The following NPAS3 variants were observed in gnomAD, a reference collection of about 807,000 sequenced individuals.
NPAS3 encodes the protein neuronal PAS domain protein 3.
A neutral mutation model predicts 73.1 loss-of-function variants in NPAS3; 14 were observed. That is an observed-to-expected ratio of 0.19 (90% CI 0.13 to 0.30). The LOEUF (loss-of-function observed/expected upper bound fraction) is 0.30, where lower values mean the gene tolerates loss of function less well. NPAS3 is among the 10% of genes least tolerant of loss of function. NPAS3 has a pLI of 1.00. For missense variants in NPAS3, 1,096 were observed against 1,250.0 expected (o/e 0.88, Z 1.86); for synonymous variants, 620 against 541.5 (o/e 1.14, Z -2.01).
chr14:33,536,923 C>A (rs2054284886), intron 4 of NPAS3, among the ~76,000 whole-genome samples: 1 of 152,022 alleles, frequency 6.6e-6, no homozygotes, highest in Admixed American at 6.6e-5. Context: ...CACACAATGT[C>A]TAGAAAATTC....
At chr14:33,471,891 T>C (rs1478659200) in intron 4 of NPAS3, among the ~76,000 whole-genome samples, 1 of 152,206 alleles carries the variant, frequency 6.6e-6, no homozygotes, top group Non-Finnish European at 1.5e-5. Context: ...CATTACTGCC[T>C]GAGCTCCAGC....
intron 1 of NPAS3, among the ~76,000 whole-genome samples, chr14:33,025,679 G>A (rs573353229): frequency 2.2e-4 from 34 of 152,240 alleles, no homozygotes; most frequent in African/African-American, 7.5e-4. Flanking sequence ...TCACGATCCC[G>A]AGTAAATTCT....
intron 3 of NPAS3, among the ~76,000 whole-genome samples, chr14:33,365,095 G>T (rs1383552106): frequency 6.9e-6 from 1 of 145,648 alleles, no homozygotes; most frequent in Non-Finnish European, 1.5e-5. Flanking sequence ...CTATTAATAA[G>T]GAGCTTTCTG....
intron 2 of NPAS3, among the ~76,000 whole-genome samples, chr14:33,181,968 G>A (rs11621047): frequency 0.23 from 34,858 of 152,026 alleles, 4,398 homozygotes; most frequent in East Asian, 0.49. Context: ...TTGTTTCTCC[G>A]TGGTTCTTTG....
rs192745565 is a variant in NPAS3 at position 33,359,800 on chromosome 14, G to A, written c.386-7386G>A. On this transcript the variant is annotated intron_variant, in intron 3 of 11. Transcript: ENST00000356141. ...CTCTTTGTCCCTCCCTTTGAGAGCC[G>A]TTATCAGAGAGCTCACGGTGTCTTT... is the stretch of plus-strand genomic sequence containing the variant. Among the ~76,000 whole-genome samples, 364 of 152,258 alleles carry A rather than the reference G, an allele frequency of 2.4e-3. 1 individual carries two copies. The highest frequency in any genetic ancestry group is 4.1e-3 in the Non-Finnish European group (282 of 68,010).
chr14:33,474,926 G>T (rs10144547), intron 4 of NPAS3, among the ~76,000 whole-genome samples: 12,392 of 152,188 alleles, frequency 0.081, 895 homozygotes, highest in African/African-American at 0.2. Context: ...GAAGGAGGAA[G>T]TTTTATTTTT....
chr14:33,394,024 G>T (rs1016700729), intron 4 of NPAS3, among the ~76,000 whole-genome samples: 2 of 152,172 alleles, frequency 1.3e-5, no homozygotes, highest in Non-Finnish European at 2.9e-5. Flanking sequence ...TCAATAGCAA[G>T]GCTTGTCTGC....
intron 2 of NPAS3, among the ~76,000 whole-genome samples, chr14:33,180,095 A>G (rs1156661729): frequency 6.6e-6 from 1 of 152,194 alleles, no homozygotes; most frequent in African/African-American, 2.4e-5. Flanking sequence ...GCATATCCCT[A>G]TTTTGAATGG....
intron 4 of NPAS3, among the ~76,000 whole-genome samples, chr14:33,388,223 T>A (rs879462040): frequency 2.0e-5 from 3 of 152,188 alleles, no homozygotes; most frequent in Non-Finnish European, 4.4e-5. Flanking sequence ...TCATTCTAAT[T>A]CAAAAAGTAT....
intron 6 of NPAS3, among the ~76,000 whole-genome samples, chr14:33,678,327 G>A (rs1463367783): frequency 6.6e-6 from 1 of 152,168 alleles, no homozygotes; most frequent in African/African-American, 2.4e-5. Context: ...TCCAAGGTCT[G>A]CCCTCTGGGA....
At chr14:33,662,860 G>A (rs1047553537) in intron 5 of NPAS3, among the ~76,000 whole-genome samples, 1 of 146,240 alleles carries the variant, frequency 6.8e-6, no homozygotes, top group African/African-American at 2.5e-5. Context: ...CTGAGACAAT[G>A]GGGTTTTCCT....
At chr14:33,407,061 C>T (rs2047698967) in intron 4 of NPAS3, among the ~76,000 whole-genome samples, 1 of 152,160 alleles carries the variant, frequency 6.6e-6, no homozygotes, top group African/African-American at 2.4e-5. Flanking sequence ...TTTGTGTAAA[C>T]TTGGCTCAAG....
intron 3 of NPAS3, among the ~76,000 whole-genome samples, chr14:33,217,008 A>G (rs1437370537): frequency 6.6e-6 from 1 of 152,216 alleles, no homozygotes; most frequent in Non-Finnish European, 1.5e-5. Context: ...GATAAACAAA[A>G]AAGGTTTAAT....
chr14:33,724,055 G>C (rs535501915), intron 6 of NPAS3, among the ~76,000 whole-genome samples: 246 of 152,146 alleles, frequency 1.6e-3, no homozygotes, highest in Non-Finnish European at 1.4e-3. Flanking sequence ...TAAAAAATTT[G>C]AGCAAAAGTC....
intron 3 of NPAS3, among the ~76,000 whole-genome samples, chr14:33,263,498 T>C (rs1414613315): frequency 2.0e-5 from 3 of 152,332 alleles, no homozygotes; most frequent in African/African-American, 4.8e-5. Flanking sequence ...TTGGTACCAG[T>C]ACCACGCTGT....
chr14:32,950,702 G>A (rs76956978), intron 1 of NPAS3, among the ~76,000 whole-genome samples: 5,593 of 152,166 alleles, frequency 0.037, 153 homozygotes, highest in South Asian at 0.085. Flanking sequence ...AATCTGTGCC[G>A]TATTGATGTG....
At chr14:33,159,497 C>T (rs1288388152) in intron 2 of NPAS3, among the ~76,000 whole-genome samples, 1 of 151,700 alleles carries the variant, frequency 6.6e-6, no homozygotes, top group Non-Finnish European at 1.5e-5. Context: ...TATATTGTCG[C>T]CCACATGTGT....
At chr14:33,741,411 G>A (rs1180467529) in intron 7 of NPAS3, among the ~76,000 whole-genome samples, 1 of 152,086 alleles carries the variant, frequency 6.6e-6, no homozygotes, top group Non-Finnish European at 1.5e-5. Flanking sequence ...TAAATTGAAG[G>A]AGAAAAAATT....
At chr14:33,704,446 C>T (rs1354033163) in intron 6 of NPAS3, among the ~76,000 whole-genome samples, 1 of 152,160 alleles carries the variant, frequency 6.6e-6, no homozygotes, top group Non-Finnish European at 1.5e-5. Context: ...CATTATTTTA[C>T]TTCCTTATTG....
Sources: allele counts gnomAD v4.1 joint callset (sites outside exome capture counted in the v4.1 genomes callset), GRCh38; gene constraint gnomAD v4.1.1; transcripts MANE v1.5; gene names NCBI Gene and HGNC (gene_info 2026-07-23, HGNC 2026-07-21).